The following EPM2A variants were observed in gnomAD, a reference collection of about 807,000 sequenced individuals.
EPM2A encodes laforin.
Under a neutral mutation model 26.5 loss-of-function variants are expected in EPM2A, and 21 were observed. The observed-to-expected ratio is 0.79, with a 90% CI of 0.56 to 1.14. The LOEUF is 1.14. Ranked by LOEUF, EPM2A falls within the 50% of genes most tolerant of loss-of-function variation. The pLI is 0.00. For synonymous variants in EPM2A, 217 were observed against 177.6 expected, an observed-to-expected ratio of 1.22 and a Z score of -1.76; for missense variants, 458 against 440.8, an observed-to-expected ratio of 1.04 and a Z score of -0.35.
At position 145,472,923 on chromosome 6, in the gene EPM2A, G is replaced by A. The variant is rs185759113; in HGVS notation, c.555+29599C>T. Among the ~76,000 whole-genome samples the A allele has an allele frequency of 7.9e-5, 12 of 151,988 alleles. No individual in the cohort carries two copies. The East Asian group carries it at 2.3e-3, about 30-fold the overall frequency. On this transcript the variant is annotated intron_variant, in intron 4 of 4. Transcript: ENST00000638717. ...TAATTTGTGAAAAGCCTTCCCAAAA[G>A]GACAGCTACAAATAAGCCCAGATGG...
At chr6:145,500,125 T>C (rs1029714328), downstream of EPM2A, among the ~76,000 whole-genome samples, 4 of 152,214 alleles carry the variant, frequency 2.6e-5, no homozygotes, top group African/African-American at 9.6e-5. Context: ...TAGAGCTGGG[T>C]AAAAAGAATT....
intron 2 of EPM2A, among the ~76,000 whole-genome samples, chr6:145,642,639 C>A (rs955987074): frequency 6.6e-6 from 1 of 152,054 alleles, no homozygotes; most frequent in African/African-American, 2.4e-5. Context: ...TAGAGAACTA[C>A]AGGGGAACGA....
intron 2 of EPM2A, among the ~76,000 whole-genome samples, chr6:145,551,588 T>C (rs909780350): frequency 6.6e-6 from 1 of 152,092 alleles, no homozygotes; most frequent in Admixed American, 6.6e-5. Flanking sequence ...GCCCCAAATT[T>C]GCACTTTCTG....
chr6:145,488,522 T>TGAGAGA (rs200590979), intron 4 of EPM2A, among the ~76,000 whole-genome samples: 20 of 140,002 alleles, frequency 1.4e-4, no homozygotes, highest in African/African-American at 4.8e-4. Context: ...TGTGTGTGTG[T>TGAGAGA]GAGAGAGAGA....
At chr6:145,462,902 A>G (rs1423326458) in intron 4 of EPM2A, among the ~76,000 whole-genome samples, 3 of 152,178 alleles carry the variant, frequency 2.0e-5, no homozygotes, top group African/African-American at 7.2e-5. Flanking sequence ...ATTGAGTTAC[A>G]CTATAGTTGA....
At chr6:145,404,456 T>G (rs1778539602) in intron 4 of EPM2A, among the ~76,000 whole-genome samples, 1 of 151,946 alleles carries the variant, frequency 6.6e-6, no homozygotes, top group Admixed American at 6.6e-5. Flanking sequence ...AAAGCTTTTT[T>G]TACCTTTTGA....
intron 4 of EPM2A, among the ~76,000 whole-genome samples, chr6:145,426,328 A>G (rs1206195326): frequency 6.6e-6 from 1 of 152,226 alleles, no homozygotes; most frequent in East Asian, 1.9e-4. Flanking sequence ...TATTTATTCC[A>G]GTAGGCTCCT....
Position 145,625,775 on chromosome 6 carries a change from C to A in EPM2A, c.*1641G>T, listed in dbSNP as rs1300075273. The A allele has an allele frequency of 1.5e-6, 2 of 1,321,138 alleles. No individual in the cohort carries two copies. The highest frequency in any genetic ancestry group is 1.7e-5 in the Admixed American group (1 of 57,440). 81.8% of individuals were successfully genotyped at this position (1,321,138 alleles called of 1,614,324 possible). ...CCCTAAGTGCCACAGTTCTATCTCCCCGTCCTCTGAGCTCCACTGAAACTT... is the reference window on the plus strand; with the variant it reads ...CCCTAAGTGCCACAGTTCTATCTCCACGTCCTCTGAGCTCCACTGAAACTT... On this transcript the variant is annotated 3_prime_UTR_variant, in exon 4 of 4. Coordinates refer to ENST00000367519, the MANE Select transcript of EPM2A (RefSeq NM_005670.4).
In EPM2A at chr6:145,625,587, G is replaced by T; in HGVS notation, c.*1829C>A. ...AGATTAAATTTTCACAACACATTAT[G>T]ACTGTAAATGAGTTACCTGAATACC... On this transcript the variant is annotated 3_prime_UTR_variant, in exon 4 of 4. Transcript: ENST00000367519. 2 of 701,638 alleles carry T rather than the reference G, an allele frequency of 2.9e-6. No homozygotes were observed. The highest frequency in any genetic ancestry group is 3.1e-5 in the South Asian group (2 of 64,888). 43.5% of individuals were successfully genotyped at this position (701,638 alleles called of 1,614,324 possible). A position where few individuals can be genotyped will look rare whatever the true frequency, so the allele number is the denominator to read the frequency against.
At chr6:145,579,416 T>G (rs1781082379) in intron 2 of EPM2A, among the ~76,000 whole-genome samples, 1 of 152,176 alleles carries the variant, frequency 6.6e-6, no homozygotes, top group African/African-American at 2.4e-5. Context: ...TCCTGGAGAA[T>G]TGCCCCTGAT....
intron 1 of EPM2A, among the ~76,000 whole-genome samples, chr6:145,700,262 T>C (rs1248220286): frequency 2.0e-5 from 3 of 152,184 alleles, no homozygotes; most frequent in African/African-American, 7.2e-5. Context: ...TAATAAATTT[T>C]GATTTAATTA....
chr6:145,714,336 T>C (rs1376805327), intron 1 of EPM2A, among the ~76,000 whole-genome samples: 1 of 152,180 alleles, frequency 6.6e-6, no homozygotes, highest in Non-Finnish European at 1.5e-5. Flanking sequence ...ACATGGTAGA[T>C]AGGTTCTTGG....
chr6:145,604,461 A>G (rs1207409632), intron 2 of EPM2A, among the ~76,000 whole-genome samples: 1 of 152,144 alleles, frequency 6.6e-6, no homozygotes, highest in Non-Finnish European at 1.5e-5. Context: ...TGTAGCTTTC[A>G]CTGGCTCTTA....
upstream of EPM2A, chr6:145,735,549 A>T: frequency 8.8e-7 from 1 of 1,133,690 alleles, no homozygotes; most frequent in Non-Finnish European, 1.1e-6. Context: ...CGCGGCCGGC[A>T]GGCGCGGCCC....
rs141801306 is a variant in EPM2A, at chr6:145,707,673, G to A, written c.302-21377C>T. Among the ~76,000 whole-genome samples, 251 of 152,296 alleles carry A rather than the reference G, an allele frequency of 1.6e-3. 1 individual carries two copies. The highest frequency in any genetic ancestry group is 0.013 in the South Asian group (65 of 4,828). On this transcript the variant is annotated intron_variant, in intron 1 of 3. Coordinates refer to ENST00000367519, the MANE Select transcript of EPM2A (RefSeq NM_005670.4). ...TTGCCCTTCTTTTGCCTTCCGCCAT[G>A]ATTGTGAGGCGTCCTCAGCCATGCG...
chr6:145,477,784 T>A (rs1779560948), intron 4 of EPM2A, among the ~76,000 whole-genome samples: 1 of 151,786 alleles, frequency 6.6e-6, no homozygotes, highest in Non-Finnish European at 1.5e-5. Flanking sequence ...CATACCTCAA[T>A]ATAATAAAAT....
intron 4 of EPM2A, among the ~76,000 whole-genome samples, chr6:145,479,127 A>G (rs914717607): frequency 6.6e-6 from 1 of 151,330 alleles, no homozygotes; most frequent in Non-Finnish European, 1.5e-5. Context: ...TATGTTTATC[A>G]ATAGTGGAGA....
chr6:145,671,828 G>A (rs1779666125), intron 2 of EPM2A, among the ~76,000 whole-genome samples: 1 of 152,162 alleles, frequency 6.6e-6, no homozygotes, highest in Non-Finnish European at 1.5e-5. Context: ...GAAGGTAAAA[G>A]TATAAACATG....
chr6:145,660,612 G>A (rs1424998292), intron 2 of EPM2A, among the ~76,000 whole-genome samples: 1 of 152,098 alleles, frequency 6.6e-6, no homozygotes, highest in Admixed American at 6.5e-5. Flanking sequence ...GACCAGCCTG[G>A]CCAACATGAT....
Sources: allele counts gnomAD v4.1 joint callset (sites outside exome capture counted in the v4.1 genomes callset), GRCh38; gene constraint gnomAD v4.1.1; transcripts MANE v1.5; gene names NCBI Gene and HGNC (gene_info 2026-07-23, HGNC 2026-07-21).